C9orf78: variants seen among roughly 807,000 people sequenced by gnomAD.
C9orf78 encodes the protein chromosome 9 open reading frame 78.
Under a neutral mutation model 37.4 loss-of-function variants are expected in C9orf78, and 19 were observed. The ratio of observed to expected loss-of-function variants is 0.51; its 90% CI spans 0.35 to 0.74. The LOEUF (loss-of-function observed/expected upper bound fraction) is 0.74. C9orf78 is among the 30% of genes least tolerant of loss of function. The probability of loss-of-function intolerance (pLI) is 0.01; values close to 1 mark genes in which losing one functional copy is unlikely to be tolerated. For synonymous variants in C9orf78, 130 were observed against 128.0 expected, an observed-to-expected ratio of 1.02 and a Z score of -0.10; for missense variants, 291 against 370.8, an observed-to-expected ratio of 0.78 and a Z score of 1.77.
At chr9:129,833,221 C>A (rs568359671) in intron 4 of C9orf78, among the ~76,000 whole-genome samples, 1 of 151,498 alleles carries the variant, frequency 6.6e-6, no homozygotes, top group Non-Finnish European at 1.5e-5. Context: ...TGAGTCATCA[C>A]GCCTACAATA....
At chr9:129,831,089 G>A (rs987646018) in intron 5 of C9orf78, 21 bp from the exon 6 acceptor site, 1 of 1,544,508 alleles carries the variant, frequency 6.5e-7, no homozygotes, top group Non-Finnish European at 8.9e-7. Context: ...AAACCCAGAG[G>A]CCTCAGGGAG....
rs1322609953 is a variant in C9orf78, at chr9:129,829,430, A to C, written c.654T>G (p.Ala218=). The change falls in exon 7 of 9, where the codon GCT becomes GCG. Residue 218 remains alanine, a synonymous_variant. Transcript: ENST00000372447. ...ATCTGTTGTGCTGCACATAATTCAC[A>C]GCCATGTTGGTAGGCACGAAGGAGG... ...SETSFVPTNM[A]VNYVQHNRFY... The C allele has an allele frequency of 6.2e-6, 10 of 1,613,958 alleles. No homozygotes were observed. The highest frequency in any genetic ancestry group is 8.5e-6 in the Non-Finnish European group (10 of 1,180,020).
intron 5 of C9orf78, chr9:129,831,644 G>A (rs1365706372): frequency 4.8e-6 from 2 of 415,756 alleles, no homozygotes; most frequent in African/African-American, 2.0e-5. Context: ...GTCTGGTCTC[G>A]AACTCCCCAC....
rs145780019 is a variant in C9orf78 at position 129,835,245 on chromosome 9, G to T, written c.-24C>A. The T allele has an allele frequency of 5.2e-3, 8,123 of 1,567,740 alleles. 39 individuals are homozygous for T. The highest frequency in any genetic ancestry group is 6.7e-3 in the Non-Finnish European group (7,691 of 1,147,942). On this transcript the variant is annotated 5_prime_UTR_variant, in exon 1 of 9. In the 5' UTR this introduces an upstream ATG that the reference lacks. Transcript: ENST00000372447. Reference sequence around the variant, plus strand: ...ATGGTGACAACGGCCGAGTTGTACAGCCGCCGCGCCTCTGCGCAGCGGCCC... The same window carrying T: ...ATGGTGACAACGGCCGAGTTGTACATCCGCCGCGCCTCTGCGCAGCGGCCC...
At chr9:129,834,600 G>T in intron 2 of C9orf78, 107 bp downstream of exon 2, 1 of 779,264 alleles carries the variant, frequency 1.3e-6, no homozygotes, top group Non-Finnish European at 2.2e-6. Flanking sequence ...GGTGTACAGT[G>T]TGTCAAGAGA....
chr9:129,833,033 GTGTGTATATACATA>G (rs1434982533), intron 4 of C9orf78, among the ~76,000 whole-genome samples: 87 of 132,364 alleles, frequency 6.6e-4, no homozygotes, highest in African/African-American at 2.0e-3. Context: ...GTATATACAT[GTGTGTATATACATA>G]TGTGTATATG....
chr9:129,832,998 T>C (rs913686973), intron 4 of C9orf78, among the ~76,000 whole-genome samples: 1 of 127,492 alleles, frequency 7.8e-6, no homozygotes, highest in East Asian at 2.3e-4. Flanking sequence ...TATATATATA[T>C]GTGTGTGTGT....
intron 8 of C9orf78, chr9:129,828,750 AG>A: frequency 4.1e-6 from 1 of 246,796 alleles, no homozygotes; most frequent in Non-Finnish European, 8.0e-6. Flanking sequence ...TTTAAAAAAA[AG>A]ATGTGGTCTC....
Position 129,828,022 on chromosome 9 carries a change from A to C in C9orf78, c.*139T>G. The C allele has an allele frequency of 1.9e-6, 1 of 523,648 alleles. No individual in the cohort carries two copies. The highest frequency in any genetic ancestry group is 3.8e-6 in the Non-Finnish European group (1 of 264,410). The allele number at this position is 523,648 out of a possible 1,614,324, so 32.4% of individuals were successfully genotyped here. A position where few individuals can be genotyped will look rare whatever the true frequency, so the allele number is the denominator to read the frequency against. ...TGGTCAGGCTGGTCTCAAACTCCCG[A>C]CCTCAGGTGATCCGCCCACCTCGGC... is the stretch of plus-strand genomic sequence containing the variant. On this transcript the variant is annotated 3_prime_UTR_variant, in exon 9 of 9. Transcript: ENST00000372447.
chr9:129,828,338 T>G lies in C9orf78; in HGVS notation c.779-86A>C, dbSNP rs944745184. The G allele has an allele frequency of 4.6e-5, 37 of 804,892 alleles. 1 individual carries two copies. In the Middle Eastern group the frequency reaches 1.6e-3, roughly 36 times the overall value. The allele number at this position is 804,892 out of a possible 1,614,324, so 49.9% of individuals were successfully genotyped here. ...CTCCATGCAGGCAAAGACAACTGCC[T>G]GTTTCCTTCCCCACAGGAGCCCCAG... is the stretch of plus-strand genomic sequence containing the variant. On this transcript the variant is annotated intron_variant, in intron 8 of 8. Transcript: ENST00000372447.
intron 5 of C9orf78, chr9:129,831,444 G>C (rs2031493660): frequency 3.9e-6 from 1 of 258,616 alleles, no homozygotes; most frequent in African/African-American, 2.3e-5. Context: ...ATATTTTGGA[G>C]ACGGAGTTTC....
intron 4 of C9orf78, among the ~76,000 whole-genome samples, chr9:129,833,065 ATATGTG>A (rs1314170719): frequency 2.2e-4 from 22 of 101,682 alleles, no homozygotes; most frequent in African/African-American, 4.4e-4. Context: ...ATGTGTGTAC[ATATGTG>A]TGTGTGTGTG....
At chr9:129,830,771 A>G (rs1352316481) in intron 6 of C9orf78, 100 bp downstream of exon 6, 2 of 829,108 alleles carry the variant, frequency 2.4e-6, no homozygotes, top group Non-Finnish European at 4.1e-6. Flanking sequence ...CAGCCTCCCA[A>G]AGTGCTAGGA....
intron 2 of C9orf78, chr9:129,834,382 G>C (rs1392856124): frequency 3.3e-6 from 1 of 305,950 alleles, no homozygotes; most frequent in African/African-American, 2.2e-5. Flanking sequence ...AGAATTATGG[G>C]TGCTTTTTAT....
At chr9:129,834,587 G>A in intron 2 of C9orf78, 120 bp downstream of exon 2, 1 of 711,278 alleles carries the variant, frequency 1.4e-6, no homozygotes, top group South Asian at 1.6e-5. Flanking sequence ...TTGGGCAGTG[G>A]AAGGTGTACA....
chr9:129,833,241 A>G (rs960604976), intron 4 of C9orf78, among the ~76,000 whole-genome samples: 5 of 151,830 alleles, frequency 3.3e-5, no homozygotes, highest in African/African-American at 1.2e-4. Context: ...ACACTCTTAC[A>G]AAAGGAGTCT....
At position 129,834,911 on chromosome 9, in the gene C9orf78, G is replaced by A. The variant is rs79372164; in HGVS notation, c.84-145C>T. The A allele has an allele frequency of 0.012, 8,742 of 716,122 alleles. 555 individuals carry two copies. In the African/African-American group the frequency reaches 0.14, roughly 11 times the overall value. 44.4% of individuals were successfully genotyped at this position (716,122 alleles called of 1,614,324 possible). A position where few individuals can be genotyped will look rare whatever the true frequency, so the allele number is the denominator to read the frequency against. On this transcript the variant is annotated intron_variant, in intron 1 of 8. Coordinates refer to ENST00000372447, the MANE Select transcript of C9orf78 (RefSeq NM_016520.3). ...ACAGTGGTCCAGAGGACGACCTTGT[G>A]CCTAGACCCACCGGGAGTCAGAGCC...
chr9:129,835,234 C>T lies in C9orf78; in HGVS notation c.-13G>A, dbSNP rs761397322. The stretch of plus-strand genomic sequence containing the variant: ...GGACGACCGGCATGGTGACAACGGC[C>T]GAGTTGTACAGCCGCCGCGCCTCTG... On this transcript the variant is annotated 5_prime_UTR_variant, in exon 1 of 9. Transcript: ENST00000372447. 7 of 1,596,360 alleles carry T rather than the reference C, an allele frequency of 4.4e-6. No individual in the cohort carries two copies. The highest frequency in any genetic ancestry group is 4.1e-5 in the African/African-American group (3 of 74,068).
chr9:129,831,268 A>T, intron 5 of C9orf78, 200 bp from the exon 6 acceptor site: 1 of 593,160 alleles, frequency 1.7e-6, no homozygotes, highest in Non-Finnish European at 3.0e-6. Context: ...CCACTAATCT[A>T]TTGGTGTTAT....
Sources: allele counts gnomAD v4.1 joint callset (sites outside exome capture counted in the v4.1 genomes callset), GRCh38; gene constraint gnomAD v4.1.1; transcripts MANE v1.5; gene names NCBI Gene and HGNC (gene_info 2026-07-23, HGNC 2026-07-21).